INPP5A: variants seen among roughly 807,000 people sequenced by gnomAD.
The protein encoded by INPP5A is 43 kDa inositol polyphosphate 5-phophatase.
In INPP5A, 14 loss-of-function variants were observed where a neutral mutation model predicts 65.2. The observed-to-expected ratio is 0.21, with a 90% CI of 0.14 to 0.34. INPP5A has a LOEUF of 0.34. Ranked by LOEUF, INPP5A falls within the 10% of genes least tolerant of loss-of-function variation. The pLI, the probability that INPP5A is intolerant of heterozygous loss-of-function variation, is 1.00. For synonymous variants in INPP5A, 207 were observed against 208.3 expected (o/e 0.99, Z 0.05); for missense variants, 431 against 545.6 (o/e 0.79, Z 2.09).
chr10:132,700,454 T>A (rs921962885), intron 6 of INPP5A, among the ~76,000 whole-genome samples: 1 of 152,254 alleles, frequency 6.6e-6, no homozygotes. Flanking sequence ...TTTTCTGACG[T>A]TTCCTCTTCC....
intron 2 of INPP5A, among the ~76,000 whole-genome samples, chr10:132,626,286 TAAAC>T (rs1247163097): frequency 6.6e-6 from 1 of 152,238 alleles, no homozygotes; most frequent in Admixed American, 6.5e-5. Flanking sequence ...TTCGCCTGGT[TAAAC>T]AAAGCTGCCG....
chr10:132,609,999 A>G (rs967675909), intron 2 of INPP5A, among the ~76,000 whole-genome samples: 1 of 152,244 alleles, frequency 6.6e-6, no homozygotes, highest in East Asian at 1.9e-4. Context: ...TTTTGTCCCA[A>G]TCAAGCCAGC....
intron 4 of INPP5A, among the ~76,000 whole-genome samples, chr10:132,685,511 CT>C (rs1215870294): frequency 6.6e-6 from 1 of 152,242 alleles, no homozygotes; most frequent in African/African-American, 2.4e-5. Flanking sequence ...CACGAGGGAG[CT>C]GGGTGCAGAA....
intron 4 of INPP5A, among the ~76,000 whole-genome samples, chr10:132,686,617 T>C (rs1845134767): frequency 6.6e-6 from 1 of 152,242 alleles, no homozygotes; most frequent in African/African-American, 2.4e-5. Context: ...TACAGCTAAT[T>C]ATGGATTTTC....
chr10:132,540,916 T>C (rs2070898270), intron 1 of INPP5A, among the ~76,000 whole-genome samples: 1 of 152,256 alleles, frequency 6.6e-6, no homozygotes, highest in African/African-American at 2.4e-5. Flanking sequence ...GTTTTCCTTT[T>C]GTGCACAAGT....
intron 4 of INPP5A, among the ~76,000 whole-genome samples, chr10:132,683,284 C>T (rs138997460): frequency 9.5e-4 from 142 of 149,164 alleles, no homozygotes; most frequent in African/African-American, 3.2e-3. Flanking sequence ...GTTTAATCCA[C>T]GTGCACACGT....
rs867835162 is a variant in INPP5A, at chr10:132,781,058, C to T, written c.1158+141C>T. 1.8e-5 allele frequency: 12 copies of T among 664,706 alleles called. No homozygotes were observed. In the Middle Eastern group the frequency reaches 1.2e-3, roughly 66 times the overall value. 41.2% of individuals were successfully genotyped at this position (664,706 alleles called of 1,614,324 possible). On this transcript the variant is annotated intron_variant, in intron 14 of 15. Transcript: ENST00000368594. ...GTTGGCCAGTCTCTCCTCTCCTGTT[C>T]TCCTGTCTTCTTAGTCTGACTACAG...
intron 4 of INPP5A, among the ~76,000 whole-genome samples, chr10:132,688,037 A>G (rs1200209848): frequency 1.3e-5 from 2 of 152,056 alleles, no homozygotes; most frequent in East Asian, 3.9e-4. Flanking sequence ...CAGGACCATC[A>G]CCCCAGCCCA....
At position 132,651,374 on chromosome 10, in the gene INPP5A, G is replaced by A. The variant is rs527585169; in HGVS notation, c.306+869G>A. 2.9e-5 allele frequency among the ~76,000 whole-genome samples: 4 copies of A among 139,148 alleles called. No homozygotes were observed. The highest frequency in any genetic ancestry group is 6.9e-5 in the Admixed American group (1 of 14,440). 91.3% of individuals were successfully genotyped at this position (139,148 alleles called of 152,430 possible). A position where few individuals can be genotyped will look rare whatever the true frequency, so the allele number is the denominator to read the frequency against. The stretch of plus-strand genomic sequence containing the variant: ...GGGAGGCCCTGGGTCCCCCGGCCTG[G>A]GTCCATCTCCCCCGTCTCTGGGGAG... On this transcript the variant is annotated intron_variant, in intron 4 of 15. Transcript: ENST00000368594. This position sits in a 1 kb window ranked among gnomAD's most constrained non-coding sequence, Gnocchi z 5.0.
intron 3 of INPP5A, among the ~76,000 whole-genome samples, chr10:132,647,021 G>A (rs1178366548): frequency 1.3e-5 from 2 of 152,088 alleles, no homozygotes; most frequent in Non-Finnish European, 2.9e-5. Context: ...AACTCCCAGC[G>A]CAGGGTCCTC....
chr10:132,720,470 C>A (rs1194721979), intron 8 of INPP5A, among the ~76,000 whole-genome samples: 1 of 147,658 alleles, frequency 6.8e-6, no homozygotes, highest in Non-Finnish European at 1.5e-5. Context: ...TTCTGTGGTA[C>A]CTGGGTTCTG....
intron 4 of INPP5A, 31 bp from the exon 5 acceptor site, chr10:132,690,361 C>T: frequency 7.2e-7 from 1 of 1,385,444 alleles, no homozygotes. Context: ...CAGCACCAGT[C>T]TCTCATTTGA....
intron 1 of INPP5A, 25 bp from the exon 2 acceptor site, chr10:132,607,890 T>C (rs775886016): frequency 1.4e-5 from 22 of 1,604,112 alleles, no homozygotes; most frequent in Non-Finnish European, 1.8e-5. Flanking sequence ...TCTGACTGGC[T>C]TTTCTTTTTC....
intron 1 of INPP5A, among the ~76,000 whole-genome samples, chr10:132,569,737 C>T (rs1305980130): frequency 2.0e-5 from 3 of 150,790 alleles, no homozygotes; most frequent in African/African-American, 7.3e-5. Context: ...CTCCTGACCT[C>T]AGGTGATCCA....
chr10:132,758,320 C>T (rs1337984288), intron 11 of INPP5A, among the ~76,000 whole-genome samples: 2 of 99,900 alleles, frequency 2.0e-5, no homozygotes, highest in Non-Finnish European at 4.8e-5. Flanking sequence ...CCTGGCTGAC[C>T]CCACACCCAT....
rs373265966 is a variant in INPP5A, at chr10:132,645,879, A to C, written c.129A>C (p.Thr43=). Residue 43 remains threonine (T), a synonymous_variant, in exon 3 of 16, where the codon ACA becomes ACC. Coordinates refer to ENST00000368594, the MANE Select transcript of INPP5A (RefSeq NM_005539.5). ...WLREFYQVVH[T]HKPHFMALHC... ...TTCTCTCCCTCCAGGTCGTGCACAC[A>C]CACAAGCCGCACTTCATGGCCTTGC... 2 of 1,613,710 alleles carry C rather than the reference A, an allele frequency of 1.2e-6. No homozygotes were observed. The highest frequency in any genetic ancestry group is 2.2e-5 in the South Asian group (2 of 91,024).
At chr10:132,691,908 A>C (rs927042921) in intron 5 of INPP5A, among the ~76,000 whole-genome samples, 10 of 150,104 alleles carry the variant, frequency 6.7e-5, no homozygotes, top group African/African-American at 2.2e-4. Flanking sequence ...CGGTCGCGGG[A>C]GACGTGTGGT....
chr10:132,566,667 G>A (rs1445169143), intron 1 of INPP5A, among the ~76,000 whole-genome samples: 1 of 152,176 alleles, frequency 6.6e-6, no homozygotes, highest in African/African-American at 2.4e-5. Flanking sequence ...AATATTAAAT[G>A]CCTACTTTTG....
At chr10:132,749,269 A>G (rs964939681) in intron 9 of INPP5A, among the ~76,000 whole-genome samples, 3 of 151,646 alleles carry the variant, frequency 2.0e-5, no homozygotes, top group African/African-American at 4.8e-5. Context: ...TGTGGGCGGC[A>G]GCAGCTCCGG....
Sources: allele counts gnomAD v4.1 joint callset (sites outside exome capture counted in the v4.1 genomes callset), GRCh38; gene constraint gnomAD v4.1.1; non-coding constraint Gnocchi (gnomAD v3.1); transcripts MANE v1.5; gene names NCBI Gene and HGNC (gene_info 2026-07-23, HGNC 2026-07-21).